The following SCN2A variants were observed in gnomAD, a reference collection of about 807,000 sequenced individuals.
The protein encoded by SCN2A is sodium channel protein type 2 subunit alpha.
A neutral mutation model predicts 188.7 loss-of-function variants in SCN2A; 20 were observed. The ratio of observed to expected loss-of-function variants is 0.11; its 90% CI spans 0.07 to 0.15. The LOEUF is 0.15. SCN2A is among the 10% of genes least tolerant of loss of function. The pLI is 1.00. For synonymous variants in SCN2A, 804 were observed against 833.1 expected (o/e 0.97, Z 0.60); for missense variants, 1,278 against 2,445.0 (o/e 0.52, Z 10.07).
intron 3 of SCN2A, among the ~76,000 whole-genome samples, chr2:165,306,516 G>A (rs1447215251): frequency 0.038 from 1,259 of 33,446 alleles, 21 homozygotes; most frequent in African/African-American, 0.094. Context: ...GTGTGTGTGT[G>A]TGTGTGTGTG....
At chr2:165,277,245 T>C (rs1313034418) in intron 1 of SCN2A, among the ~76,000 whole-genome samples, 1 of 152,194 alleles carries the variant, frequency 6.6e-6, no homozygotes, top group Admixed American at 6.5e-5. Context: ...GATTATTTCA[T>C]ATTTAAAAAT....
intron 1 of SCN2A, chr2:165,268,341 A>G (rs1364392695): frequency 6.6e-6 from 1 of 152,064 alleles, no homozygotes; most frequent in Non-Finnish European, 1.5e-5. Context: ...ATACATCATG[A>G]TCAAGTGGGT....
chr2:165,356,581 T>C (rs1027474309), intron 17 of SCN2A, among the ~76,000 whole-genome samples: 1 of 151,874 alleles, frequency 6.6e-6, no homozygotes, highest in African/African-American at 2.4e-5. Context: ...TTTTCACACA[T>C]GTTTAGTTTT....
intron 1 of SCN2A, among the ~76,000 whole-genome samples, chr2:165,280,669 A>G (rs76505106): frequency 0.13 from 19,470 of 152,144 alleles, 1,344 homozygotes; most frequent in South Asian, 0.2. Flanking sequence ...TTGTACTCCA[A>G]AGTTGTCCTG....
At chr2:165,275,891 C>G (rs573463508) in intron 1 of SCN2A, among the ~76,000 whole-genome samples, 3 of 152,072 alleles carry the variant, frequency 2.0e-5, no homozygotes, top group Non-Finnish European at 4.4e-5. Flanking sequence ...CCCGCCACCA[C>G]GCCTGGCTAA....
At chr2:165,356,881 A>G (rs573726898) in intron 17 of SCN2A, among the ~76,000 whole-genome samples, 9 of 152,284 alleles carry the variant, frequency 5.9e-5, no homozygotes, top group Admixed American at 3.3e-4. Flanking sequence ...TTGTTTTCCC[A>G]TTAAGTTAGC....
intron 16 of SCN2A, among the ~76,000 whole-genome samples, chr2:165,349,341 A>G (rs1207746343): frequency 1.3e-5 from 2 of 152,230 alleles, no homozygotes; most frequent in African/African-American, 4.8e-5. Context: ...CCTTTAGGCA[A>G]TTCAAAGCTA....
intron 1 of SCN2A, among the ~76,000 whole-genome samples, chr2:165,281,085 G>T (rs1559334196): frequency 6.6e-6 from 1 of 152,100 alleles, no homozygotes; most frequent in Admixed American, 6.5e-5. Context: ...GCCAGGCAAG[G>T]TGGCATGTGC....
intron 1 of SCN2A, among the ~76,000 whole-genome samples, chr2:165,244,906 G>A (rs1693779401): frequency 6.6e-6 from 1 of 152,046 alleles, no homozygotes; most frequent in South Asian, 2.1e-4. Context: ...TATGTATGGG[G>A]AAATGACAAC....
chr2:165,291,492 TTTC>T (rs1215201562), intron 1 of SCN2A, among the ~76,000 whole-genome samples: 1 of 7,454 alleles, frequency 1.3e-4, no homozygotes, highest in Non-Finnish European at 3.3e-4. Context: ...CTTTCTTTCT[TTTC>T]TTTCTTTCTT....
At chr2:165,324,444 A>G (rs1325141479) in intron 12 of SCN2A, among the ~76,000 whole-genome samples, 1 of 152,224 alleles carries the variant, frequency 6.6e-6, no homozygotes, top group Non-Finnish European at 1.5e-5. Context: ...ATCTTGGATT[A>G]TAAAATAGCC....
intron 1 of SCN2A, among the ~76,000 whole-genome samples, chr2:165,247,184 G>A (rs1693884764): frequency 6.6e-6 from 1 of 151,968 alleles, no homozygotes; most frequent in African/African-American, 2.4e-5. Context: ...TTATTTCTCT[G>A]TCTCTCCTGC....
intron 17 of SCN2A, among the ~76,000 whole-genome samples, chr2:165,357,168 A>G (rs750251165): frequency 6.6e-6 from 1 of 151,838 alleles, no homozygotes; most frequent in Non-Finnish European, 1.5e-5. Flanking sequence ...GTAGGTTTTG[A>G]TCTTTCAGAA....
At position 165,331,520 on chromosome 2, in the gene SCN2A, C is replaced by G. The variant is rs765542122; in HGVS notation, c.2340C>G (p.His780Gln). 6.2e-7 allele frequency: 1 copy of G among 1,613,734 alleles called. No individual in the cohort carries two copies. The highest frequency in any genetic ancestry group is 1.1e-5 in the South Asian group (1 of 91,074). Reference protein sequence around the residue: ...VLNTLFMAMEHYPMTEQFSSV... With the variant: ...VLNTLFMAMEQYPMTEQFSSV... ...ATACACTCTTCATGGCTATGGAGCA[C>G]TATCCCATGACGGAGCAGTTCAGCA... is the stretch of plus-strand genomic sequence containing the variant. Residue 780 changes from histidine to glutamine, a missense_variant, in exon 14 of 27, where the codon CAC becomes CAG. His to Gln is a conservative substitution (Grantham distance 24, BLOSUM62 0). Around this residue, in one of 17 missense-constraint regions of SCN2A, gnomAD observed 83 missense variants for 256.8 expected, o/e 0.32. Transcript: ENST00000375437.
At chr2:165,271,027 A>C (rs940164434) in intron 1 of SCN2A, 4 of 152,056 alleles carry the variant, frequency 2.6e-5, no homozygotes, top group Non-Finnish European at 5.9e-5. Flanking sequence ...TGTACATGAT[A>C]AGTAAAATAC....
intron 10 of SCN2A, 119 bp downstream of exon 10, chr2:165,314,227 C>T: frequency 1.0e-6 from 1 of 982,464 alleles, no homozygotes; most frequent in East Asian, 2.6e-5. Flanking sequence ...TTGGTAAGTG[C>T]TAGGAGCCTG....
intron 1 of SCN2A, among the ~76,000 whole-genome samples, chr2:165,284,012 G>T (rs1695709215): frequency 6.6e-6 from 1 of 151,710 alleles, no homozygotes; most frequent in African/African-American, 2.4e-5. Context: ...TGAACCCATG[G>T]TCTCCTATGC....
At chr2:165,386,686 G>C in intron 25 of SCN2A, 60 bp from the exon 26 acceptor site, 1 of 1,515,458 alleles carries the variant, frequency 6.6e-7, no homozygotes, top group South Asian at 1.2e-5. Context: ...AAAATCAGAA[G>C]AATTGAATTC....
chr2:165,276,936 A>G (rs1695368688), intron 1 of SCN2A, among the ~76,000 whole-genome samples: 2 of 152,090 alleles, frequency 1.3e-5, no homozygotes, highest in African/African-American at 4.8e-5. Context: ...AGTACTTTGG[A>G]AGGCTGAGGT....
Sources: allele counts gnomAD v4.1 joint callset (sites outside exome capture counted in the v4.1 genomes callset), GRCh38; gene constraint gnomAD v4.1.1; regional missense constraint gnomAD v4.1.1; transcripts MANE v1.5; gene names NCBI Gene and HGNC (gene_info 2026-07-23, HGNC 2026-07-21).